Variants in JCAD observed in about 807,000 individuals in gnomAD.
JCAD encodes the protein junctional cadherin 5-associated protein.
JCAD carries 40 observed loss-of-function variants against 98.0 expected under a neutral mutation model. The observed-to-expected ratio is 0.41, with a 90% confidence interval of 0.32 to 0.53. The LOEUF (loss-of-function observed/expected upper bound fraction) is 0.53, where lower values mean the gene tolerates loss of function less well. Among genes scored for constraint, JCAD ranks in the 20% least tolerant of loss-of-function variants. The pLI, the probability that JCAD is intolerant of heterozygous loss-of-function variation, is 0.31. For synonymous variants in JCAD, 691 were observed against 682.3 expected, an observed-to-expected ratio of 1.01 and a Z score of -0.20; for missense variants, 1,705 against 1,738.1, an observed-to-expected ratio of 0.98 and a Z score of 0.34.
chr10:30,090,545 A>T (rs1429933841), intron 1 of JCAD, among the ~76,000 whole-genome samples: 5 of 148,246 alleles, frequency 3.4e-5, no homozygotes, highest in Non-Finnish European at 7.5e-5. Context: ...TGTCTCAGGA[A>T]AGGAAAGGAA....
chr10:30,082,084 A>G (rs914959874), intron 1 of JCAD, among the ~76,000 whole-genome samples: 3 of 152,272 alleles, frequency 2.0e-5, no homozygotes, highest in Non-Finnish European at 2.9e-5. Context: ...TTGTGCTTTT[A>G]CCTTTTTCTT....
chr10:30,047,803 C>T lies in JCAD; in HGVS notation c.10G>A (p.Val4Ile). MYS[V>I]EDLLISHGYK... ...CCATGAGAGATCAGGAGGTCTTCTA[C>T]ACTGTACATGATGCCTGGGCTTCAG... Residue 4 changes from valine to isoleucine, a missense_variant, in exon 2 of 4, where the codon GTA becomes ATA. Transcript: ENST00000375377. 2.5e-6 allele frequency: 4 copies of T among 1,611,026 alleles called. No homozygotes were observed. Among genetic ancestry groups the T allele is most frequent in the Non-Finnish European group, 3.4e-6 (4 of 1,178,412 alleles).
intron 2 of JCAD, among the ~76,000 whole-genome samples, chr10:30,042,541 C>T (rs564182253): frequency 2.1e-4 from 32 of 152,096 alleles, no homozygotes; most frequent in South Asian, 2.1e-3. Flanking sequence ...GCCAGAGGTA[C>T]GGGGAAGCAG....
chr10:30,082,374 C>T (rs923725492), intron 1 of JCAD, among the ~76,000 whole-genome samples: 13 of 152,046 alleles, frequency 8.6e-5, no homozygotes, highest in African/African-American at 3.1e-4. Context: ...AATAAAAATT[C>T]ATATTATTCT....
intron 2 of JCAD, among the ~76,000 whole-genome samples, chr10:30,042,008 A>G (rs1194501113): frequency 1.3e-5 from 2 of 152,066 alleles, no homozygotes; most frequent in Non-Finnish European, 2.9e-5. Flanking sequence ...GTGTTTCAGC[A>G]GGCAAGCTTT....
intron 1 of JCAD, among the ~76,000 whole-genome samples, chr10:30,113,548 CAAAAAAAAAAAA>C (rs71023545): frequency 8.1e-4 from 13 of 15,964 alleles, no homozygotes; most frequent in Non-Finnish European, 1.5e-3. Context: ...GAGACACTGT[CAAAAAAAAAAAA>C]AAAAAAAAAA....
intron 1 of JCAD, among the ~76,000 whole-genome samples, chr10:30,052,796 C>T (rs749014244): frequency 2.6e-5 from 4 of 152,168 alleles, no homozygotes; most frequent in African/African-American, 9.7e-5. Context: ...ATTTCAATTA[C>T]GGATCTTCTC....
chr10:30,015,591 G>A lies in JCAD; in HGVS notation c.*2292C>T, dbSNP rs755031452. 2 of 152,132 alleles carry A rather than the reference G, an allele frequency of 1.3e-5. No individual in the cohort carries two copies. The highest frequency in any genetic ancestry group is 6.5e-5 in the Admixed American group (1 of 15,276). 9.4% of individuals were successfully genotyped at this position (152,132 alleles called of 1,614,324 possible). A position where few individuals can be genotyped will look rare whatever the true frequency, so the allele number is the denominator to read the frequency against. On this transcript the variant is annotated 3_prime_UTR_variant, in exon 4 of 4. Coordinates refer to ENST00000375377, the MANE Select transcript of JCAD (RefSeq NM_020848.4). ...CAATTTAAGATAACAAAACAGAAGC[G>A]CATCACATTTTGGTTTGAGAATCAC...
intron 1 of JCAD, among the ~76,000 whole-genome samples, chr10:30,103,738 T>C (rs888289970): frequency 6.8e-6 from 1 of 147,198 alleles, no homozygotes; most frequent in South Asian, 2.1e-4. Context: ...TTTTTCTTTT[T>C]TTTTTTTTTT....
chr10:30,112,112 T>C (rs574707267), intron 1 of JCAD, among the ~76,000 whole-genome samples: 7 of 152,258 alleles, frequency 4.6e-5, no homozygotes, highest in African/African-American at 1.7e-4. Context: ...ATACACACAA[T>C]GGACTATCAT....
At chr10:30,107,329 C>T (rs555547087) in intron 1 of JCAD, among the ~76,000 whole-genome samples, 96 of 152,226 alleles carry the variant, frequency 6.3e-4, no homozygotes, top group Non-Finnish European at 9.6e-4. Context: ...ACCAAGATGG[C>T]GATGAAAGGG....
At chr10:30,062,788 G>A (rs570329263), upstream of JCAD, among the ~76,000 whole-genome samples, 55 of 152,248 alleles carry the variant, frequency 3.6e-4, no homozygotes, top group Middle Eastern at 3.4e-3. Context: ...GGAAAAACCC[G>A]CGTCCATGAT....
At chr10:30,068,386 G>C (rs1424570029) in intron 2 of JCAD, among the ~76,000 whole-genome samples, 3 of 77,044 alleles carry the variant, frequency 3.9e-5, no homozygotes, top group African/African-American at 8.0e-5. Context: ...GCAAAACTCT[G>C]TCTCAAAAAA....
chr10:30,108,669 C>T (rs561135699), intron 1 of JCAD, among the ~76,000 whole-genome samples: 18 of 152,264 alleles, frequency 1.2e-4, no homozygotes, highest in East Asian at 9.6e-4. Flanking sequence ...TGATCATCCC[C>T]TCACTAGAGT....
At chr10:30,044,436 A>C (rs917321083) in intron 2 of JCAD, among the ~76,000 whole-genome samples, 4 of 152,170 alleles carry the variant, frequency 2.6e-5, no homozygotes, top group African/African-American at 7.2e-5. Context: ...CCCTCAACCA[A>C]GAAACTGCAG....
chr10:30,062,463 G>T (rs1445141794), upstream of JCAD, among the ~76,000 whole-genome samples: 1 of 152,210 alleles, frequency 6.6e-6, no homozygotes, highest in Admixed American at 6.5e-5. Flanking sequence ...GATGTGGGGA[G>T]AGGGGCAAGC....
At chr10:30,109,793 TTGATGTATGGACCTGC>T (rs1406095292) in intron 1 of JCAD, among the ~76,000 whole-genome samples, 4 of 151,634 alleles carry the variant, frequency 2.6e-5, no homozygotes, top group African/African-American at 4.9e-5. Context: ...TATGGGCCCC[TTGATGTATGGACCTGC>T]TGATGTATGA....
At chr10:30,023,013 T>C (rs916006074) in intron 3 of JCAD, among the ~76,000 whole-genome samples, 1 of 152,120 alleles carries the variant, frequency 6.6e-6, no homozygotes, top group African/African-American at 2.4e-5. Context: ...TTTTAATATT[T>C]TATGCCATAT....
At chr10:30,057,379 T>A (rs942047487) in intron 1 of JCAD, among the ~76,000 whole-genome samples, 3 of 152,170 alleles carry the variant, frequency 2.0e-5, no homozygotes, top group Non-Finnish European at 4.4e-5. Flanking sequence ...TCATATTTAC[T>A]TTTTTTAAGT....
Sources: gnomAD v4.1 joint callset for allele counts (sites outside exome capture counted in the v4.1 genomes callset) on GRCh38, gnomAD v4.1.1 for gene constraint, MANE v1.5 for transcripts, NCBI Gene and HGNC (gene_info 2026-07-23, HGNC 2026-07-21) for gene names.